The following ERC2 variants were observed in gnomAD, a reference collection of about 807,000 sequenced individuals.
The protein encoded by ERC2 is ERC protein 2.
ERC2 carries 42 observed loss-of-function variants against 114.8 expected under a neutral mutation model. That is an observed-to-expected ratio of 0.37 (90% CI 0.29 to 0.47). ERC2 has a LOEUF of 0.47. Ranked by LOEUF, ERC2 falls within the 20% of genes least tolerant of loss-of-function variation. The pLI is 0.99. For missense variants in ERC2, 939 were observed against 1,150.7 expected, an observed-to-expected ratio of 0.82 and a Z score of 2.66; for synonymous variants, 454 against 425.5, an observed-to-expected ratio of 1.07 and a Z score of -0.82.
At chr3:55,515,365 T>TTTTA (rs1448248117) in intron 17 of ERC2, among the ~76,000 whole-genome samples, 2 of 152,048 alleles carry the variant, frequency 1.3e-5, no homozygotes, top group Non-Finnish European at 2.9e-5. Context: ...TGTATTTAAT[T>TTTTA]TTTATTTATT....
intron 14 of ERC2, among the ~76,000 whole-genome samples, chr3:55,886,692 T>C (rs1359753323): frequency 6.6e-6 from 1 of 152,220 alleles, no homozygotes; most frequent in Non-Finnish European, 1.5e-5. Flanking sequence ...TGGGTGTCAT[T>C]TAAATTCATA....
At chr3:56,274,468 T>C (rs940579861) in intron 3 of ERC2, among the ~76,000 whole-genome samples, 6 of 151,674 alleles carry the variant, frequency 4.0e-5, no homozygotes, top group Admixed American at 1.3e-4. Flanking sequence ...TCCATAAACA[T>C]GGGTTCAAAT....
At chr3:56,412,826 T>A (rs189529025) in intron 2 of ERC2, among the ~76,000 whole-genome samples, 1 of 152,236 alleles carries the variant, frequency 6.6e-6, no homozygotes, top group Non-Finnish European at 1.5e-5. Context: ...TTACTATTAT[T>A]TTATTCTAAT....
chr3:56,378,657 C>G (rs1249785482), intron 2 of ERC2, among the ~76,000 whole-genome samples: 1 of 151,512 alleles, frequency 6.6e-6, no homozygotes, highest in African/African-American at 2.4e-5. Flanking sequence ...ACATTTTTTC[C>G]ATATAATTCC....
intron 17 of ERC2, among the ~76,000 whole-genome samples, chr3:55,656,279 C>G (rs979698873): frequency 4.6e-5 from 7 of 152,152 alleles, no homozygotes; most frequent in African/African-American, 1.2e-4. Flanking sequence ...GCTTGGACTA[C>G]AGGAGTACAC....
At chr3:56,076,540 T>C (rs965577442) in intron 7 of ERC2, among the ~76,000 whole-genome samples, 1 of 152,124 alleles carries the variant, frequency 6.6e-6, no homozygotes, top group African/African-American at 2.4e-5. Context: ...ACCATACCGC[T>C]CTTCTGATTT....
intron 14 of ERC2, among the ~76,000 whole-genome samples, chr3:55,756,800 C>T (rs550855039): frequency 6.6e-6 from 1 of 152,228 alleles, no homozygotes; most frequent in South Asian, 2.1e-4. Flanking sequence ...GCCTACCACC[C>T]CATCCCCTTC....
intron 17 of ERC2, among the ~76,000 whole-genome samples, chr3:55,649,258 A>AT (rs56806592): frequency 0.029 from 3,487 of 119,176 alleles, 68 homozygotes; most frequent in Middle Eastern, 0.078. Context: ...CCAACGCTGA[A>AT]TTTTTTTTTT....
chr3:56,104,427 C>T (rs2078533562), intron 6 of ERC2, among the ~76,000 whole-genome samples: 1 of 152,210 alleles, frequency 6.6e-6, no homozygotes, highest in East Asian at 1.9e-4. Flanking sequence ...ACCCCAAAGA[C>T]CTATAAACAT....
chr3:55,582,724 A>T (rs2057323224), intron 17 of ERC2, among the ~76,000 whole-genome samples: 1 of 152,212 alleles, frequency 6.6e-6, no homozygotes, highest in Non-Finnish European at 1.5e-5. Context: ...CTTTGAAAGG[A>T]TTGTTAAAAC....
At chr3:56,083,302 T>C (rs1298127385) in intron 6 of ERC2, among the ~76,000 whole-genome samples, 1 of 152,234 alleles carries the variant, frequency 6.6e-6, no homozygotes, top group Non-Finnish European at 1.5e-5. Context: ...AGAGGATTTA[T>C]GGCATGACTG....
chr3:56,299,086 T>C (rs1465505913), intron 2 of ERC2, among the ~76,000 whole-genome samples: 1 of 151,194 alleles, frequency 6.6e-6, no homozygotes, highest in Non-Finnish European at 1.5e-5. Flanking sequence ...TATAGCTAGA[T>C]AGGTAGATAG....
chr3:55,588,991 C>A (rs1447185884), intron 17 of ERC2, among the ~76,000 whole-genome samples: 1 of 152,014 alleles, frequency 6.6e-6, no homozygotes, highest in East Asian at 1.9e-4. Flanking sequence ...GCATTAAACA[C>A]AGGCTTTGGA....
rs773511285 is a variant in ERC2 at position 56,007,194 on chromosome 3, G to A, written c.2048C>T (p.Ala683Val). ...GACTTCACTTACCTTTTTTAACTGTGCTTCCAATTTGCTACATTCCTCTTT... is the reference window on the plus strand; with the variant it reads ...GACTTCACTTACCTTTTTTAACTGTACTTCCAATTTGCTACATTCCTCTTT... ...QKKEECSKLE[A>V]QLKKAHNIED... The change falls in exon 10 of 18, where the codon GCA becomes GTA. Residue 683 changes from alanine to valine, a missense_variant. Around this residue, in one of 5 missense-constraint regions of ERC2, gnomAD observed 328 missense variants for 353.9 expected, o/e 0.93. Coordinates refer to ENST00000288221, the MANE Select transcript of ERC2 (RefSeq NM_015576.3). 14 of 1,564,770 alleles carry A rather than the reference G, an allele frequency of 8.9e-6. No individual in the cohort carries two copies. Among genetic ancestry groups the A allele is most frequent in the South Asian group, 1.2e-5 (1 of 84,840 alleles).
intron 12 of ERC2, among the ~76,000 whole-genome samples, chr3:55,969,090 A>C (rs1204632409): frequency 6.6e-6 from 1 of 152,156 alleles, no homozygotes; most frequent in African/African-American, 2.4e-5. Flanking sequence ...AATTCTTAGC[A>C]GGTTAACTCA....
At chr3:55,672,276 C>T (rs751310316) in intron 17 of ERC2, among the ~76,000 whole-genome samples, 1 of 150,028 alleles carries the variant, frequency 6.7e-6, no homozygotes, top group Non-Finnish European at 1.5e-5. Flanking sequence ...AAGTCTGAGA[C>T]TGCCGAGAGC....
chr3:56,149,622 G>A (rs1472220388), intron 4 of ERC2, among the ~76,000 whole-genome samples: 1 of 152,088 alleles, frequency 6.6e-6, no homozygotes, highest in African/African-American at 2.4e-5. Context: ...ATGGGAAAAA[G>A]GATTCTCATC....
rs141634673 is a variant in ERC2 at position 56,230,159 on chromosome 3, C to T, written c.1075-56639G>A. ...GGGATTACAGGCATGAGCAACCATG[C>T]CTGGCCAAATATCCAGTCTTACAAT... On this transcript the variant is annotated intron_variant, in intron 3 of 17. Coordinates refer to ENST00000288221, the MANE Select transcript of ERC2 (RefSeq NM_015576.3). Among the ~76,000 whole-genome samples the T allele has an allele frequency of 2.8e-3, 425 of 151,880 alleles. 1 individual carries two copies. The highest frequency in any genetic ancestry group is 9.8e-3 in the African/African-American group (406 of 41,422).
chr3:56,079,528 G>A (rs923128), intron 7 of ERC2, among the ~76,000 whole-genome samples: 30,288 of 152,042 alleles, frequency 0.2, 3,411 homozygotes, highest in African/African-American at 0.3. Context: ...CTGGCCAGAG[G>A]GAGCCCAATC....
Sources: allele counts gnomAD v4.1 joint callset (sites outside exome capture counted in the v4.1 genomes callset), GRCh38; gene constraint gnomAD v4.1.1; regional missense constraint gnomAD v4.1.1; transcripts MANE v1.5; gene names NCBI Gene and HGNC (gene_info 2026-07-23, HGNC 2026-07-21).